The following PXN variants were observed in gnomAD, a reference collection of about 807,000 sequenced individuals.
PXN encodes testicular tissue protein Li 134.
In PXN, 61 loss-of-function variants were observed where a neutral mutation model predicts 103.6. That is an observed-to-expected ratio of 0.59 (90% CI 0.48 to 0.73). PXN has a LOEUF of 0.73. PXN is among the 30% of genes least tolerant of loss of function. PXN has a pLI of 0.00. For synonymous variants in PXN, 562 were observed against 607.8 expected (o/e 0.92, Z 1.11); for missense variants, 1,274 against 1,460.3 (o/e 0.87, Z 2.08).
intron 1 of PXN, among the ~76,000 whole-genome samples, chr12:120,251,633 A>G (rs949763986): frequency 2.0e-5 from 3 of 152,116 alleles, no homozygotes; most frequent in Admixed American, 2.0e-4. Context: ...CCTGGCCAAC[A>G]TGGTGAAACG....
At chr12:120,236,441 G>A (rs1306902061) in intron 1 of PXN, among the ~76,000 whole-genome samples, 1 of 151,054 alleles carries the variant, frequency 6.6e-6, no homozygotes, top group Admixed American at 6.6e-5. Flanking sequence ...ATGAATAGCT[G>A]GAACTATAGG....
chr12:120,216,098 G>T lies in PXN; in HGVS notation c.2301+175C>A. 1 of 1,292,654 alleles carries T rather than the reference G, an allele frequency of 7.7e-7. No homozygotes were observed. The highest frequency in any genetic ancestry group is 3.0e-5 in the East Asian group (1 of 33,220). The allele number at this position is 1,292,654 out of a possible 1,614,324, so 80.1% of individuals were successfully genotyped here. A position where few individuals can be genotyped will look rare whatever the true frequency, so the allele number is the denominator to read the frequency against. On this transcript the variant is annotated intron_variant, in intron 9 of 14. Transcript: ENST00000637617. This position sits in a 1 kb window ranked among gnomAD's most constrained non-coding sequence, Gnocchi z 5.1. ...AAGAGGGCAGCGGACCTTCTGAGTG[G>T]GGGAAGACCGGGGTCAAGGTTTACG...
chr12:120,257,588 C>T (rs1008352797), intron 1 of PXN, among the ~76,000 whole-genome samples: 2 of 152,182 alleles, frequency 1.3e-5, no homozygotes, highest in African/African-American at 4.8e-5. Flanking sequence ...GCCAAGAGGG[C>T]CACTGGTGCC....
intron 1 of PXN, chr12:120,226,705 C>G: frequency 9.9e-6 from 11 of 1,116,296 alleles, no homozygotes; most frequent in Non-Finnish European, 1.2e-5. Flanking sequence ...CACAGAGACA[C>G]AAGATCACTC....
At chr12:120,248,951 A>G (rs1186278628) in intron 1 of PXN, among the ~76,000 whole-genome samples, 2 of 152,098 alleles carry the variant, frequency 1.3e-5, no homozygotes, top group African/African-American at 4.8e-5. Flanking sequence ...AGCCTGGCCA[A>G]CATGGTGAAA....
At chr12:120,235,155 AGGC>A (rs1282512129) in intron 1 of PXN, among the ~76,000 whole-genome samples, 1 of 152,052 alleles carries the variant, frequency 6.6e-6, no homozygotes, top group East Asian at 1.9e-4. Context: ...GCTGTCTGAG[AGGC>A]CTGTGGCTTT....
rs537251092 is a variant in PXN at position 120,227,310 on chromosome 12, G to C, written c.14-2933C>G. Among the ~76,000 whole-genome samples the C allele has an allele frequency of 6.6e-4, 100 of 152,242 alleles. 1 individual carries two copies. Among genetic ancestry groups the C allele is most frequent in the African/African-American group, 2.4e-3 (99 of 41,550 alleles). On this transcript the variant is annotated intron_variant, in intron 1 of 14. Transcript: ENST00000637617. ...GAGAACAGGAGTTGGAGATCGGCTT[G>C]GGCAACACAGTGAAACCCCATCTCT...
At position 120,215,972 on chromosome 12, in the gene PXN, T is replaced by C. The variant is rs776057128; in HGVS notation, c.2301+301A>G. ...GGCTGGAAGGGAGGAGACAGGTTTC[T>C]GGTCTCCCTTCTGGAGTGGCTTCTT... On this transcript the variant is annotated intron_variant, in intron 9 of 14. Coordinates refer to ENST00000637617, the MANE Select transcript of PXN (RefSeq NM_001385981.1). This position sits in a 1 kb window ranked among gnomAD's most constrained non-coding sequence, Gnocchi z 4.9. 7.3e-7 allele frequency: 1 copy of C among 1,378,034 alleles called. No individual in the cohort carries two copies. Among genetic ancestry groups the C allele is most frequent in the Non-Finnish European group, 9.4e-7 (1 of 1,066,468 alleles). The allele number at this position is 1,378,034 out of a possible 1,614,324, so 85.4% of individuals were successfully genotyped here.
chr12:120,211,978 T>C lies in PXN; in HGVS notation c.*336A>G, dbSNP rs1322220697. On this transcript the variant is annotated 3_prime_UTR_variant, in exon 15 of 15. Transcript: ENST00000637617. ...GCCCCCCGGCTGCACTGCTGAAATA[T>C]GAGGAAGAGATGGCTCCAGTGTGGG... The C allele has an allele frequency of 5.1e-6, 3 of 583,074 alleles. No homozygotes were observed. Among genetic ancestry groups the C allele is most frequent in the Non-Finnish European group, 3.3e-6 (1 of 302,204 alleles). The allele number at this position is 583,074 out of a possible 1,614,324, so 36.1% of individuals were successfully genotyped here.
intron 1 of PXN, among the ~76,000 whole-genome samples, chr12:120,259,516 A>G (rs1237034907): frequency 3.9e-5 from 6 of 152,236 alleles, no homozygotes. Flanking sequence ...ACAATCACAC[A>G]AGAAATAAGC....
chr12:120,250,995 G>C lies in PXN; in HGVS notation c.13+14622C>G, dbSNP rs958563193. 2.0e-4 allele frequency among the ~76,000 whole-genome samples: 30 copies of C among 152,186 alleles called. 1 individual carries two copies. Among genetic ancestry groups the C allele is most frequent in the Non-Finnish European group, 4.1e-4 (28 of 68,032 alleles). ...GAGGTGAGCAGATCACTTGAGGCCA[G>C]GAGTTCAAGACCAGCCTGGCCAACA... is the stretch of plus-strand genomic sequence containing the variant. On this transcript the variant is annotated intron_variant, in intron 1 of 14. Coordinates refer to ENST00000637617, the MANE Select transcript of PXN (RefSeq NM_001385981.1).
rs1261511863 is a variant in PXN at position 120,219,051 on chromosome 12, G to A, written c.1716+156C>T. Among the ~76,000 whole-genome samples, 1 of 152,244 alleles carries A rather than the reference G, an allele frequency of 6.6e-6. No homozygotes were observed. The highest frequency in any genetic ancestry group is 1.9e-4 in the East Asian group (1 of 5,194). On this transcript the variant is annotated intron_variant, in intron 7 of 14. Coordinates refer to ENST00000637617, the MANE Select transcript of PXN (RefSeq NM_001385981.1). This position sits in a 1 kb window ranked among gnomAD's most constrained non-coding sequence, Gnocchi z 6.5. Reference sequence around the variant, plus strand: ...AAATGCTGGGTCCACAGAGCCCACTGCCAAGTGCTGACTGTCAGGTCCGGC... The same window carrying A: ...AAATGCTGGGTCCACAGAGCCCACTACCAAGTGCTGACTGTCAGGTCCGGC...
chr12:120,219,405 T>G lies in PXN; in HGVS notation c.1518A>C (p.Ser506=), dbSNP rs1249748980. 6.3e-7 allele frequency: 1 copy of G among 1,598,358 alleles called. No individual in the cohort carries two copies. The highest frequency in any genetic ancestry group is 1.1e-5 in the South Asian group (1 of 91,082). The change falls in exon 7 of 15, where the codon TCA becomes TCC. Residue 506 remains serine, a synonymous_variant. Coordinates refer to ENST00000637617, the MANE Select transcript of PXN (RefSeq NM_001385981.1). The surrounding 1 kb of genome is among the most constrained non-coding windows in gnomAD (Gnocchi z 6.5). ...PGRLGSSSPA[S]VTTEQLGAKM... ...TTGCACCTAGCTGCTCCGTGGTAAC[T>G]GAGGCAGGGGAGCTGCTTCCCAGCC... is the stretch of plus-strand genomic sequence containing the variant.
At chr12:120,218,042 A>ATTTTTTTTT (rs1167466002) in intron 7 of PXN, among the ~76,000 whole-genome samples, 1 of 99,250 alleles carries the variant, frequency 1.0e-5, no homozygotes, top group African/African-American at 3.9e-5. Context: ...AGCTTGGGGG[A>ATTTTTTTTT]TTTTTTTTTT....
chr12:120,225,735 C>G lies in PXN; in HGVS notation c.14-1358G>C, dbSNP rs1445739418. 1.3e-5 allele frequency among the ~76,000 whole-genome samples: 2 copies of G among 152,234 alleles called. No homozygotes were observed. The highest frequency in any genetic ancestry group is 2.9e-5 in the Non-Finnish European group (2 of 68,040). On this transcript the variant is annotated intron_variant, in intron 1 of 14. Coordinates refer to ENST00000637617, the MANE Select transcript of PXN (RefSeq NM_001385981.1). The surrounding 1 kb of genome is among the most constrained non-coding windows in gnomAD (Gnocchi z 4.4). ...ACTTCCTGAATGTTGGAGGCCCAAG[C>G]TGTGAGGCCTGCCAGTGTGATCCTT...
chr12:120,231,843 C>T (rs1308425596), intron 1 of PXN, among the ~76,000 whole-genome samples: 1 of 152,232 alleles, frequency 6.6e-6, no homozygotes, highest in Non-Finnish European at 1.5e-5. Flanking sequence ...CTGCACCAGG[C>T]ACACACAAGG....
rs756731414 is a variant in PXN, at chr12:120,224,685, G to T, written c.14-308C>A. The T allele has an allele frequency of 1.6e-6, 1 of 618,230 alleles. No individual in the cohort carries two copies. Among genetic ancestry groups the T allele is most frequent in the South Asian group, 1.5e-5 (1 of 66,040 alleles). The allele number at this position is 618,230 out of a possible 1,614,324, so 38.3% of individuals were successfully genotyped here. A position where few individuals can be genotyped will look rare whatever the true frequency, so the allele number is the denominator to read the frequency against. ...CTGGCACTGCGTTCCCTCCTGACAGGGCCGCGCAGCCGCGAGTGAAGTGCC... is the reference window on the plus strand; with the variant it reads ...CTGGCACTGCGTTCCCTCCTGACAGTGCCGCGCAGCCGCGAGTGAAGTGCC... On this transcript the variant is annotated intron_variant, in intron 1 of 14. Coordinates refer to ENST00000637617, the MANE Select transcript of PXN (RefSeq NM_001385981.1). This position sits in a 1 kb window ranked among gnomAD's most constrained non-coding sequence, Gnocchi z 5.0.
chr12:120,232,647 A>G (rs757195706), intron 1 of PXN, among the ~76,000 whole-genome samples: 14 of 152,080 alleles, frequency 9.2e-5, no homozygotes, highest in Non-Finnish European at 1.5e-4. Flanking sequence ...TCTTCCAGGC[A>G]AGTTGATCTG....
Position 120,219,551 on chromosome 12 carries a change from A to G in PXN, c.1372T>C (p.Phe458Leu). The G allele has an allele frequency of 6.3e-7, 1 of 1,579,228 alleles. No homozygotes were observed. Among genetic ancestry groups the G allele is most frequent in the South Asian group, 1.1e-5 (1 of 89,104 alleles). The change falls in exon 7 of 15, where the codon TTC (phenylalanine) becomes CTC (leucine). Residue 458 changes from phenylalanine to leucine, a missense_variant. Around this residue, in one of 2 missense-constraint regions of PXN, gnomAD observed 1,178 missense variants for 1,309.0 expected, o/e 0.90. Coordinates refer to ENST00000637617, the MANE Select transcript of PXN (RefSeq NM_001385981.1). This position sits in a 1 kb window ranked among gnomAD's most constrained non-coding sequence, Gnocchi z 6.5. ...RMPPSGAARS[F>L]QEVTEPAVVA... ...ACAGCTGGCTCTGTTACTTCTTGGA[A>G]GCTTCGAGCAGCTCCAGAGGGGGGC...
Sources: allele counts gnomAD v4.1 joint callset (sites outside exome capture counted in the v4.1 genomes callset), GRCh38; gene constraint gnomAD v4.1.1; regional missense constraint gnomAD v4.1.1; non-coding constraint Gnocchi (gnomAD v3.1); transcripts MANE v1.5; gene names NCBI Gene and HGNC (gene_info 2026-07-23, HGNC 2026-07-21).